The following PARVG variants were observed in gnomAD, a reference collection of about 807,000 sequenced individuals.
PARVG encodes the protein gamma-parvin.
Under a neutral mutation model 44.4 loss-of-function variants are expected in PARVG, and 36 were observed. That is an observed-to-expected ratio of 0.81 (90% confidence interval 0.62 to 1.07). The LOEUF is 1.07. Among genes scored for constraint, PARVG ranks in the 50% least tolerant of loss-of-function variants. The probability of loss-of-function intolerance (pLI) is 0.00; values close to 1 mark genes in which losing one functional copy is unlikely to be tolerated. For synonymous variants in PARVG, 170 were observed against 174.1 expected (o/e 0.98, Z 0.19); for missense variants, 407 against 407.4 (o/e 1.00, Z 0.01).
rs150367474 is a variant in PARVG at position 44,180,943 on chromosome 22, G to C, written c.-431G>C. Reference sequence around the variant, plus strand: ...AGATTCCAGCTTGAGAGACCAGCTCGGGTCTGAAGTGTTTCTCTATCTACT... The same window carrying C: ...AGATTCCAGCTTGAGAGACCAGCTCCGGTCTGAAGTGTTTCTCTATCTACT... On this transcript the variant is annotated 5_prime_UTR_variant, in exon 1 of 14. Coordinates refer to ENST00000444313, the MANE Select transcript of PARVG (RefSeq NM_022141.7). 1.1e-5 allele frequency: 11 copies of C among 985,330 alleles called. No individual in the cohort carries two copies. The highest frequency in any genetic ancestry group is 1.2e-5 in the Non-Finnish European group (10 of 829,914). The allele number at this position is 985,330 out of a possible 1,614,324, so 61.0% of individuals were successfully genotyped here. A position where few individuals can be genotyped will look rare whatever the true frequency, so the allele number is the denominator to read the frequency against.
chr22:44,205,679 G>A (rs945590200), intron 12 of PARVG, 78 bp from the exon 13 acceptor site: 7 of 1,548,964 alleles, frequency 4.5e-6, no homozygotes, highest in Admixed American at 3.5e-5. Flanking sequence ...ACAACAGGAA[G>A]GGCTTGGCAC....
Position 44,192,106 on chromosome 22 carries a change from TG to T in PARVG, c.560+3del. 1 of 1,611,092 alleles carries T rather than the reference TG, an allele frequency of 6.2e-7. No homozygotes were observed. Among genetic ancestry groups the T allele is most frequent in the Non-Finnish European group, 8.5e-7 (1 of 1,179,374 alleles). ...GGTGGAACAGCTCACTGAATACAGG[TG>T]AGGGAAGGATGAGGGCCCATGGGTG... is the stretch of plus-strand genomic sequence containing the variant. On this transcript the variant is annotated splice_donor_region_variant and intron_variant, in intron 8 of 13. Coordinates refer to ENST00000444313, the MANE Select transcript of PARVG (RefSeq NM_022141.7).
At chr22:44,199,630 G>A (rs1399022496) in intron 12 of PARVG, among the ~76,000 whole-genome samples, 1 of 152,182 alleles carries the variant, frequency 6.6e-6, no homozygotes, top group African/African-American at 2.4e-5. Flanking sequence ...TCAGATGCCT[G>A]GGTCAGAGGA....
upstream of PARVG, among the ~76,000 whole-genome samples, chr22:44,180,310 T>C (rs1181815113): frequency 6.6e-6 from 1 of 152,208 alleles, no homozygotes; most frequent in Non-Finnish European, 1.5e-5. Flanking sequence ...GGTGTAGCAC[T>C]GTCTCTTCTG....
chr22:44,173,089 G>A (rs2054284686), exon 1 of PARVG: 1 of 1,289,608 alleles, frequency 7.8e-7, no homozygotes, highest in Non-Finnish European at 1.0e-6. Flanking sequence ...CAGGAGCTGG[G>A]GGAAGAGCTG....
intron 12 of PARVG, 64 bp downstream of exon 12, chr22:44,198,786 A>G (rs774167367): frequency 3.1e-6 from 4 of 1,294,456 alleles, no homozygotes; most frequent in Non-Finnish European, 4.5e-6. Context: ...CAGAACTGGC[A>G]TGACCAGTCT....
At chr22:44,183,498 CA>C in intron 3 of PARVG, 90 bp downstream of exon 3, 5 of 1,274,180 alleles carry the variant, frequency 3.9e-6, no homozygotes, top group Non-Finnish European at 5.3e-6. Context: ...AGCACCTTCC[CA>C]GCTGTCAGCT....
intron 3 of PARVG, chr22:44,184,424 T>TG (rs2054432892): frequency 6.6e-6 from 1 of 152,196 alleles, no homozygotes; most frequent in African/African-American, 2.4e-5. Flanking sequence ...CTGCAGCCTC[T>TG]GCCTCCCAGG....
At chr22:44,176,849 A>C (rs1395688200), upstream of PARVG, among the ~76,000 whole-genome samples, 1 of 152,170 alleles carries the variant, frequency 6.6e-6, no homozygotes, top group Non-Finnish European at 1.5e-5. Context: ...ATGATGGTGG[A>C]AGGCGAAGGA....
chr22:44,173,052 G>C, exon 1 of PARVG: 2 of 1,289,798 alleles, frequency 1.6e-6, no homozygotes, highest in Non-Finnish European at 2.0e-6. Context: ...TCCACCCAGC[G>C]CTGCTTCCCG....
intron 2 of PARVG, 186 bp from the exon 3 acceptor site, chr22:44,183,132 C>T (rs1052598157): frequency 4.2e-5 from 23 of 542,934 alleles, no homozygotes; most frequent in African/African-American, 1.6e-4. Context: ...CCCGTCACCC[C>T]GCAAGGGTTG....
At position 44,191,176 on chromosome 22, in the gene PARVG, G is replaced by A. The variant is rs530624059; in HGVS notation, c.504+510G>A. On this transcript the variant is annotated intron_variant, in intron 7 of 13. Transcript: ENST00000444313. Reference sequence around the variant, plus strand: ...CTAGCATGCGGCCTGCCTGTGCTGCGGTTAATACCCAGGAATCCACGACTT... The same window carrying A: ...CTAGCATGCGGCCTGCCTGTGCTGCAGTTAATACCCAGGAATCCACGACTT... Among the ~76,000 whole-genome samples, 10 of 152,176 alleles carry A rather than the reference G, an allele frequency of 6.6e-5. No homozygotes were observed. In the South Asian group the frequency reaches 1.5e-3, roughly 22 times the overall value.
In PARVG at chr22:44,198,328, CTG is replaced by C. The variant is rs1852033141; in HGVS notation, c.712-289_712-288del. ...ATTTTACACTTAACTCTGTTTTCCC[CTG>C]TGTTTCTGTAGCTTGTGGAAGAGCG... On this transcript the variant is annotated intron_variant, in intron 11 of 13. Transcript: ENST00000444313. 3.3e-5 allele frequency among the ~76,000 whole-genome samples: 5 copies of C among 152,336 alleles called. No individual in the cohort carries two copies. The Middle Eastern group carries it at 0.01, about 311-fold the overall frequency.
upstream of PARVG, among the ~76,000 whole-genome samples, chr22:44,177,210 G>C (rs1048312062): frequency 3.3e-5 from 5 of 152,072 alleles, no homozygotes; most frequent in African/African-American, 1.2e-4. Flanking sequence ...TTCTTTAGAC[G>C]CACACATTTA....
intron 4 of PARVG, chr22:44,186,077 T>C: frequency 2.4e-6 from 1 of 422,086 alleles, no homozygotes; most frequent in South Asian, 2.2e-5. Context: ...GAGCACCAAC[T>C]GTGTGCCTTC....
At position 44,187,248 on chromosome 22, in the gene PARVG, C is replaced by T. The variant is rs541193443; in HGVS notation, c.145-528C>T. 1.3e-3 allele frequency: 225 copies of T among 174,110 alleles called. 1 individual carries two copies. The highest frequency in any genetic ancestry group is 3.1e-3 in the South Asian group (23 of 7,514). The allele number at this position is 174,110 out of a possible 1,614,324, so 10.8% of individuals were successfully genotyped here. The stretch of plus-strand genomic sequence containing the variant: ...CAGGGGACCCCTGTCTTCTCCCTTT[C>T]CCCCAGCTGTGATGGCTGCAGCATC... On this transcript the variant is annotated intron_variant, in intron 4 of 13. Coordinates refer to ENST00000444313, the MANE Select transcript of PARVG (RefSeq NM_022141.7).
At chr22:44,196,447 G>A in intron 11 of PARVG, 32 bp downstream of exon 11, 1 of 1,612,536 alleles carries the variant, frequency 6.2e-7, no homozygotes. Flanking sequence ...CCCCAGGCAG[G>A]GCAGGGCCAC....
chr22:44,186,030 A>G, intron 4 of PARVG, 158 bp downstream of exon 4: 1 of 534,092 alleles, frequency 1.9e-6, no homozygotes, highest in Non-Finnish European at 3.4e-6. Flanking sequence ...TGAATGGAGC[A>G]AGTCACCCAC....
At chr22:44,197,409 G>A (rs2054633406) in intron 11 of PARVG, among the ~76,000 whole-genome samples, 2 of 152,214 alleles carry the variant, frequency 1.3e-5, no homozygotes, top group Admixed American at 6.5e-5. Context: ...GCACAGAGAG[G>A]TTAATTAACT....
Sources: gnomAD v4.1 joint callset for allele counts (sites outside exome capture counted in the v4.1 genomes callset) on GRCh38, gnomAD v4.1.1 for gene constraint, MANE v1.5 for transcripts, NCBI Gene and HGNC (gene_info 2026-07-23, HGNC 2026-07-21) for gene names.